The following HIRA variants were observed in gnomAD, a reference collection of about 807,000 sequenced individuals.
HIRA encodes the protein protein HIRA.
Under a neutral mutation model 126.6 loss-of-function variants are expected in HIRA, and 13 were observed. The ratio of observed to expected loss-of-function variants is 0.10; its 90% CI spans 0.07 to 0.16. The LOEUF (loss-of-function observed/expected upper bound fraction) is 0.16. HIRA is among the 10% of genes least tolerant of loss of function. The pLI is 1.00. For missense variants in HIRA, 834 were observed against 1,314.4 expected, an observed-to-expected ratio of 0.63 and a Z score of 5.65; for synonymous variants, 511 against 520.0, an observed-to-expected ratio of 0.98 and a Z score of 0.24.
chr22:19,417,795 C>G (rs2089411766), intron 1 of HIRA, among the ~76,000 whole-genome samples: 1 of 152,134 alleles, frequency 6.6e-6, no homozygotes, highest in South Asian at 2.1e-4. Context: ...TATTTGTACA[C>G]CCATGTTCAT....
At chr22:19,357,303 T>C (rs1569294209) in intron 18 of HIRA, among the ~76,000 whole-genome samples, 1 of 152,222 alleles carries the variant, frequency 6.6e-6, no homozygotes, top group Non-Finnish European at 1.5e-5. Context: ...CTCATGCTGA[T>C]GCTGACCAAG....
intron 6 of HIRA, among the ~76,000 whole-genome samples, chr22:19,397,340 C>T (rs2089232196): frequency 6.6e-6 from 1 of 152,158 alleles, no homozygotes; most frequent in South Asian, 2.1e-4. Context: ...TGGCTGAAGA[C>T]AAAGGTGTGT....
chr22:19,354,100 C>G lies in HIRA; in HGVS notation c.2580G>C (p.Lys860Asn), dbSNP rs942510218. The G allele has an allele frequency of 6.2e-7, 1 of 1,612,990 alleles. No individual in the cohort carries two copies. Residue 860 changes from lysine to asparagine, a missense_variant, in exon 22 of 25, where the codon AAG (lysine) becomes AAC (asparagine). Physicochemically the swap from Lys to Asn is moderately conservative, Grantham distance 94. Around this residue, in one of 5 missense-constraint regions of HIRA, gnomAD observed 468 missense variants for 574.2 expected, o/e 0.82. Coordinates refer to ENST00000263208, the MANE Select transcript of HIRA (RefSeq NM_003325.4). ...CTGCACACTGAGCCAGTGAGTCCTG[C>G]TTGTCAGAAACCAGGTTCCTGGGGA... ...SLSTWNLVSD[K>N]QDSLAQCADF...
chr22:19,414,718 A>G (rs2089381421), intron 1 of HIRA, among the ~76,000 whole-genome samples: 1 of 152,210 alleles, frequency 6.6e-6, no homozygotes, highest in Non-Finnish European at 1.5e-5. Flanking sequence ...CAGTTACAGA[A>G]CAATACTAAA....
At chr22:19,399,759 CTTAT>C (rs1176574130) in intron 5 of HIRA, among the ~76,000 whole-genome samples, 6 of 152,272 alleles carry the variant, frequency 3.9e-5, no homozygotes, top group Admixed American at 3.3e-4. Flanking sequence ...CCCCTTCCGA[CTTAT>C]TTATTCAATA....
intron 23 of HIRA, 50 bp downstream of exon 23, chr22:19,353,306 G>C: frequency 6.2e-7 from 1 of 1,604,370 alleles, no homozygotes; most frequent in Non-Finnish European, 8.5e-7. Flanking sequence ...AGGCCTGGGA[G>C]GATGGAGGGG....
intron 15 of HIRA, among the ~76,000 whole-genome samples, chr22:19,371,731 C>T (rs943420335): frequency 6.6e-6 from 1 of 152,204 alleles, no homozygotes. Context: ...AACCTATGAT[C>T]CTTTGTGACT....
chr22:19,337,404 A>T (rs1442658804), intron 24 of HIRA, among the ~76,000 whole-genome samples: 1 of 152,122 alleles, frequency 6.6e-6, no homozygotes. Context: ...TCAAAGAAGT[A>T]GAAGAGAGAA....
chr22:19,334,719 C>T (rs2088544293), intron 24 of HIRA, among the ~76,000 whole-genome samples: 2 of 152,000 alleles, frequency 1.3e-5, no homozygotes, highest in Admixed American at 1.3e-4. Flanking sequence ...ACGCACCCGG[C>T]AGTCCTTTTA....
At chr22:19,349,049 G>C (rs1051215543) in intron 24 of HIRA, among the ~76,000 whole-genome samples, 4 of 151,956 alleles carry the variant, frequency 2.6e-5, no homozygotes, top group Non-Finnish European at 4.4e-5. Context: ...CTCCCAAAAG[G>C]CTGGGATTAT....
intron 15 of HIRA, among the ~76,000 whole-genome samples, chr22:19,362,630 G>A (rs1013038538): frequency 6.6e-6 from 1 of 151,604 alleles, no homozygotes; most frequent in African/African-American, 2.4e-5. Context: ...GTGTGATCTT[G>A]GCTCACTGCA....
At chr22:19,405,496 C>A in intron 5 of HIRA, 1 of 985,414 alleles carries the variant, frequency 1.0e-6, no homozygotes, top group Non-Finnish European at 1.2e-6. Context: ...GGTACTGATT[C>A]TGTTCAGCAG....
At chr22:19,383,526 A>G (rs753995553) in intron 13 of HIRA, 94 bp downstream of exon 13, 58 of 991,788 alleles carry the variant, frequency 5.8e-5, no homozygotes, top group Non-Finnish European at 8.7e-5. Flanking sequence ...GTTGTGAAGG[A>G]CCCGTGAAGA....
At chr22:19,409,914 T>G (rs1245001491) in intron 2 of HIRA, among the ~76,000 whole-genome samples, 1 of 152,108 alleles carries the variant, frequency 6.6e-6, no homozygotes, top group African/African-American at 2.4e-5. Flanking sequence ...ACAGCTTCCC[T>G]ACACTCCCTT....
intron 1 of HIRA, among the ~76,000 whole-genome samples, chr22:19,422,998 C>A (rs768640788): frequency 6.6e-6 from 1 of 152,154 alleles, no homozygotes; most frequent in African/African-American, 2.4e-5. Context: ...GGGCTGGCTG[C>A]GGCTTTCTCT....
intron 24 of HIRA, among the ~76,000 whole-genome samples, chr22:19,335,082 A>G (rs2088549525): frequency 6.6e-6 from 1 of 152,292 alleles, no homozygotes. Flanking sequence ...TCTGTCTTCA[A>G]GTATTATATC....
At chr22:19,368,738 A>G (rs970240708) in intron 15 of HIRA, among the ~76,000 whole-genome samples, 10 of 152,252 alleles carry the variant, frequency 6.6e-5, no homozygotes, top group African/African-American at 2.2e-4. Flanking sequence ...TGTAAAATAC[A>G]GCGAGAATGT....
chr22:19,423,479 G>GCA (rs1491211450), intron 1 of HIRA, among the ~76,000 whole-genome samples: 8 of 94,376 alleles, frequency 8.5e-5, no homozygotes, highest in Admixed American at 2.2e-4. Flanking sequence ...TCACACACAT[G>GCA]CATACACACA....
In HIRA at chr22:19,371,913, C is replaced by T. The variant is rs190753993; in HGVS notation, c.1775+3718G>A. Among the ~76,000 whole-genome samples, 11 of 152,248 alleles carry T rather than the reference C, an allele frequency of 7.2e-5. 1 individual carries two copies. The East Asian group carries it at 2.1e-3, about 29-fold the overall frequency. On this transcript the variant is annotated intron_variant, in intron 15 of 24. Coordinates refer to ENST00000263208, the MANE Select transcript of HIRA (RefSeq NM_003325.4). The stretch of plus-strand genomic sequence containing the variant: ...ATTTCCACTTTTTGGTTATTATGTA[C>T]AGATGTGAACATTCATGTATGAGTT...
Sources: gnomAD v4.1 joint callset for allele counts (sites outside exome capture counted in the v4.1 genomes callset) on GRCh38, gnomAD v4.1.1 for gene constraint, gnomAD v4.1.1 regional missense constraint, MANE v1.5 for transcripts, NCBI Gene and HGNC (gene_info 2026-07-23, HGNC 2026-07-21) for gene names.